Variants in ITGAX observed in about 807,000 individuals in gnomAD.
The protein encoded by ITGAX is integrin subunit alpha X, also known as integrin alpha-X.
In ITGAX, 99 loss-of-function variants were observed where a neutral mutation model predicts 140.2. The observed-to-expected ratio is 0.71, with a 90% CI of 0.60 to 0.83. The LOEUF (loss-of-function observed/expected upper bound fraction) is 0.83, where lower values mean the gene tolerates loss of function less well. Among genes scored for constraint, ITGAX ranks in the 40% least tolerant of loss-of-function variants. The probability of loss-of-function intolerance (pLI) is 0.00; values close to 1 mark genes in which losing one functional copy is unlikely to be tolerated. For synonymous variants in ITGAX, 631 were observed against 600.4 expected, an observed-to-expected ratio of 1.05 and a Z score of -0.75; for missense variants, 1,444 against 1,482.0, an observed-to-expected ratio of 0.97 and a Z score of 0.42.
In ITGAX at chr16:31,371,140, C is replaced by A; in HGVS notation, c.1767C>A (p.Ser589Arg). ...TGCAGTATTTTGGGCAGGCACTGAGCGGGGGTCAAGACCTCACCCAGGATG... is the reference window on the plus strand; with the variant it reads ...TGCAGTATTTTGGGCAGGCACTGAGAGGGGGTCAAGACCTCACCCAGGATG... Reference protein sequence around the residue: ...SRLQYFGQALSGGQDLTQDGL... With the variant: ...SRLQYFGQALRGGQDLTQDGL... The change falls in exon 15 of 30, where the codon AGC (serine) becomes AGA (arginine). Residue 589 changes from serine to arginine, a missense_variant. Coordinates refer to ENST00000268296, the MANE Select transcript of ITGAX (RefSeq NM_000887.5). 2 of 1,613,984 alleles carry A rather than the reference C, an allele frequency of 1.2e-6. No homozygotes were observed. Among genetic ancestry groups the A allele is most frequent in the Non-Finnish European group, 1.7e-6 (2 of 1,179,954 alleles).
At chr16:31,357,528 C>T (rs1259879432) in intron 5 of ITGAX, 164 bp downstream of exon 5, 16 of 591,536 alleles carry the variant, frequency 2.7e-5, no homozygotes, top group South Asian at 1.9e-4. Context: ...CACATCCTGC[C>T]GATCGCCCGC....
intron 23 of ITGAX, among the ~76,000 whole-genome samples, chr16:31,378,884 C>G (rs2081043238): frequency 6.6e-6 from 1 of 150,962 alleles, no homozygotes; most frequent in South Asian, 2.1e-4. Context: ...TGTACCATCT[C>G]TGCTCACTGC....
chr16:31,377,076 G>A lies in ITGAX; in HGVS notation c.2702G>A (p.Ser901Asn). The A allele has an allele frequency of 6.2e-7, 1 of 1,614,186 alleles. No individual in the cohort carries two copies. Among genetic ancestry groups the A allele is most frequent in the Non-Finnish European group, 8.5e-7 (1 of 1,180,036 alleles). The change falls in exon 22 of 30, where the codon AGC becomes AAC. Residue 901 changes from serine (S) to asparagine (N), a missense_variant. Physicochemically the swap from Ser to Asn is conservative, Grantham distance 46. Transcript: ENST00000268296. ...GDRLLLTANV[S>N]SENNTPRTSK... ...CGGCTGCTTCTGACAGCCAATGTGAGCAGGTGAGCCGGGCCAGGCCAGGGG... is the reference window on the plus strand; with the variant it reads ...CGGCTGCTTCTGACAGCCAATGTGAACAGGTGAGCCGGGCCAGGCCAGGGG...
intron 17 of ITGAX, among the ~76,000 whole-genome samples, chr16:31,372,156 C>A (rs1206486660): frequency 7.7e-6 from 1 of 130,336 alleles, no homozygotes; most frequent in Non-Finnish European, 1.7e-5. Context: ...CATTGCTGAT[C>A]GGGAGGTCTG....
In ITGAX at chr16:31,373,375, C is replaced by T. The variant is rs146985733; in HGVS notation, c.2493C>T (p.Tyr831=). The change falls in exon 20 of 30, where the codon TAC becomes TAT. Residue 831 remains tyrosine (Y), a synonymous_variant. Coordinates refer to ENST00000268296, the MANE Select transcript of ITGAX (RefSeq NM_000887.5). ...ACCCCGCAGGACTGTCCTACCGCTA[C>T]GTGGCAGAGGGCCAGGTGCACCCTC... is the stretch of plus-strand genomic sequence containing the variant. ...FSHPAGLSYR[Y]VAEGQKQGQL... The T allele has an allele frequency of 4.3e-5, 70 of 1,611,504 alleles. No individual in the cohort carries two copies. The highest frequency in any genetic ancestry group is 2.2e-4 in the Admixed American group (13 of 59,728).
At position 31,356,679 on chromosome 16, in the gene ITGAX, C is replaced by T; in HGVS notation, c.198C>T (p.Leu66=). The change falls in exon 3 of 30, where the codon CTC becomes CTT. Residue 66 remains leucine (L), a synonymous_variant. Coordinates refer to ENST00000268296, the MANE Select transcript of ITGAX (RefSeq NM_000887.5). The part of the protein sequence containing the change: ...KITAANQTGG[L]YQCGYSTGAC... Reference sequence around the variant, plus strand: ...CAGCTGCCAACCAAACGGGTGGCCTCTACCAGTGTGGCTACAGCACTGGTG... The same window carrying T: ...CAGCTGCCAACCAAACGGGTGGCCTTTACCAGTGTGGCTACAGCACTGGTG... 1.9e-6 allele frequency: 3 copies of T among 1,601,220 alleles called. No individual in the cohort carries two copies. The highest frequency in any genetic ancestry group is 2.6e-6 in the Non-Finnish European group (3 of 1,175,014).
intron 9 of ITGAX, 182 bp from the exon 10 acceptor site, chr16:31,361,654 A>C (rs997646855): frequency 2.6e-6 from 2 of 760,772 alleles, no homozygotes; most frequent in Admixed American, 4.2e-5. Flanking sequence ...CGCTGTCCAC[A>C]TCCATGGAGC....
At position 31,382,040 on chromosome 16, in the gene ITGAX, GAGA is replaced by G; in HGVS notation, c.*135_*137del. The G allele has an allele frequency of 2.8e-6, 4 of 1,447,384 alleles. No homozygotes were observed. Among genetic ancestry groups the G allele is most frequent in the Non-Finnish European group, 3.6e-6 (4 of 1,104,954 alleles). 89.7% of individuals were successfully genotyped at this position (1,447,384 alleles called of 1,614,324 possible). On this transcript the variant is annotated 3_prime_UTR_variant, in exon 30 of 30. Coordinates refer to ENST00000268296, the MANE Select transcript of ITGAX (RefSeq NM_000887.5). ...GGATGGGCCTGCTTCCTGTCTTTGG[GAGA>G]AAACGTCTTGCTTGGGAAGGGGCCT...
At chr16:31,380,475 A>G in intron 27 of ITGAX, 48 bp from the exon 28 acceptor site, 2 of 1,611,614 alleles carry the variant, frequency 1.2e-6, no homozygotes, top group Non-Finnish European at 1.7e-6. Flanking sequence ...CAGAGCTCTG[A>G]GCCTCCCCCA....
chr16:31,362,155 C>T lies in ITGAX; in HGVS notation c.1167C>T (p.Thr389=). ...TGTACCCCCCAAATATGAGCCCTAC[C>T]TTCATCAACATGTCTCAGGAGAATG... is the stretch of plus-strand genomic sequence containing the variant. ...AFLYPPNMSP[T]FINMSQENVD... is the part of the protein sequence containing the mutation. Residue 389 remains threonine, a synonymous_variant, in exon 11 of 30, where the codon ACC becomes ACT. Coordinates refer to ENST00000268296, the MANE Select transcript of ITGAX (RefSeq NM_000887.5). 6.2e-7 allele frequency: 1 copy of T among 1,614,090 alleles called. No individual in the cohort carries two copies. The highest frequency in any genetic ancestry group is 8.5e-7 in the Non-Finnish European group (1 of 1,179,996).
Position 31,379,948 on chromosome 16 carries a change from A to T in ITGAX, c.2977-34A>T, listed in dbSNP as rs779311206. 3.7e-6 allele frequency: 6 copies of T among 1,608,738 alleles called. No homozygotes were observed. In the African/African-American group the frequency reaches 8.0e-5, roughly 22 times the overall value. Reference sequence around the variant, plus strand: ...GCCCCATGTGGGTCCCTGATGTCCCAGCTGAGACACTTGTTCTCTGCATTT... The same window carrying T: ...GCCCCATGTGGGTCCCTGATGTCCCTGCTGAGACACTTGTTCTCTGCATTT... On this transcript the variant is annotated intron_variant, in intron 25 of 29. Coordinates refer to ENST00000268296, the MANE Select transcript of ITGAX (RefSeq NM_000887.5).
At chr16:31,357,214 A>T (rs374342177) in intron 4 of ITGAX, 39 bp from the exon 5 acceptor site, 2 of 1,541,000 alleles carry the variant, frequency 1.3e-6, no homozygotes, top group African/African-American at 2.7e-5. Flanking sequence ...GGGTGGGAGG[A>T]AGCAGGGGCA....
rs571122360 is a variant in ITGAX, at chr16:31,368,595, T to A, written c.1711-2489T>A. On this transcript the variant is annotated intron_variant, in intron 14 of 29. Coordinates refer to ENST00000268296, the MANE Select transcript of ITGAX (RefSeq NM_000887.5). ...CAACTTTCTTTTTTTATTTTTTATT[T>A]TTTATTTATTTTTTTATTTTTTATT... Among the ~76,000 whole-genome samples, 53 of 151,568 alleles carry A rather than the reference T, an allele frequency of 3.5e-4. 1 individual carries two copies. The highest frequency in any genetic ancestry group is 6.8e-3 in the Middle Eastern group (2 of 294).
chr16:31,357,516 C>G (rs2080776963), intron 5 of ITGAX, 152 bp downstream of exon 5: 2 of 599,572 alleles, frequency 3.3e-6, no homozygotes, highest in South Asian at 4.2e-5. Context: ...CGCTGCTGCC[C>G]GCACATCCTG....
chr16:31,382,642 C>A lies in ITGAX; in HGVS notation c.*735C>A. ...ATCAGCTCAGGGCTTCATCGTGGGG[C>A]TCTCAGTTCCGATTTCCCAGGCTGA... On this transcript the variant is annotated 3_prime_UTR_variant, in exon 30 of 30. Coordinates refer to ENST00000268296, the MANE Select transcript of ITGAX (RefSeq NM_000887.5). 1.6e-6 allele frequency: 1 copy of A among 634,808 alleles called. No individual in the cohort carries two copies. The allele number at this position is 634,808 out of a possible 1,614,324, so 39.3% of individuals were successfully genotyped here. A position where few individuals can be genotyped will look rare whatever the true frequency, so the allele number is the denominator to read the frequency against.
intron 1 of ITGAX, 72 bp downstream of exon 1, chr16:31,355,363 T>C: frequency 6.5e-7 from 1 of 1,535,724 alleles, no homozygotes; most frequent in Non-Finnish European, 9.0e-7. Flanking sequence ...AACTGGGGGC[T>C]CAGGCTGGGG....
chr16:31,363,282 G>A lies in ITGAX; in HGVS notation c.1618G>A (p.Val540Ile). 6.2e-7 allele frequency: 1 copy of A among 1,613,602 alleles called. No homozygotes were observed. The highest frequency in any genetic ancestry group is 1.7e-5 in the Admixed American group (1 of 59,964). The change falls in exon 14 of 30, where the codon GTC (valine) becomes ATC (isoleucine). Residue 540 changes from valine (V) to isoleucine (I), a missense_variant. Transcript: ENST00000268296. ...DVNGDKLTDV[V>I]IGAPGEEENR... ...GAATGGGGACAAGCTGACAGACGTG[G>A]TCATCGGGGCCCCAGGAGAGGAGGA...
At chr16:31,367,928 T>C (rs2080907920) in intron 14 of ITGAX, among the ~76,000 whole-genome samples, 1 of 152,190 alleles carries the variant, frequency 6.6e-6, no homozygotes, top group Non-Finnish European at 1.5e-5. Context: ...CATTCATGAT[T>C]CATCAGAGGG....
At chr16:31,355,787 G>C in intron 1 of ITGAX, 106 bp from the exon 2 acceptor site, 1 of 823,790 alleles carries the variant, frequency 1.2e-6, no homozygotes, top group East Asian at 2.5e-5. Flanking sequence ...CAGGCACCCC[G>C]GGCATCAGGC....
Sources: gnomAD v4.1 joint callset for allele counts (sites outside exome capture counted in the v4.1 genomes callset) on GRCh38, gnomAD v4.1.1 for gene constraint, MANE v1.5 for transcripts, NCBI Gene and HGNC (gene_info 2026-07-23, HGNC 2026-07-21) for gene names.